VAPA: variants seen among roughly 807,000 people sequenced by gnomAD.
VAPA encodes VAMP associated protein A, also known as vesicle-associated membrane protein-associated protein A.
Under a neutral mutation model 25.6 loss-of-function variants are expected in VAPA, and 6 were observed. That is an observed-to-expected ratio of 0.23 (90% confidence interval 0.13 to 0.46). VAPA has a LOEUF of 0.46. Ranked by LOEUF, VAPA falls within the 20% of genes least tolerant of loss-of-function variation. VAPA has a pLI of 0.99. For missense variants in VAPA, 244 were observed against 302.1 expected, an observed-to-expected ratio of 0.81 and a Z score of 1.43; for synonymous variants, 112 against 106.2, an observed-to-expected ratio of 1.05 and a Z score of -0.34.
chr18:9,916,381 A>C (rs1360112053), intron 1 of VAPA, among the ~76,000 whole-genome samples: 1 of 152,184 alleles, frequency 6.6e-6, no homozygotes, highest in Non-Finnish European at 1.5e-5. Flanking sequence ...GTGTCTGAGG[A>C]AAGAAGCCCT....
chr18:9,943,840 C>CTTTTTTTTT, intron 4 of VAPA, among the ~76,000 whole-genome samples: 2 of 90,478 alleles, frequency 2.2e-5, no homozygotes, highest in Non-Finnish European at 4.9e-5. Context: ...GACATATTTC[C>CTTTTTTTTT]CTTTTTTTTT....
chr18:9,959,744 A>AAG lies in VAPA; in HGVS notation c.*5534_*5535insGA, dbSNP rs1480265235. The AAG allele has an allele frequency of 6.9e-5, 10 of 145,620 alleles. No individual in the cohort carries two copies. Among genetic ancestry groups the AAG allele is most frequent in the African/African-American group, 2.5e-4 (10 of 40,494 alleles). 9.0% of individuals were successfully genotyped at this position (145,620 alleles called of 1,614,324 possible). On this transcript the variant is annotated 3_prime_UTR_variant, in exon 6 of 6. Transcript: ENST00000400000. ...TCCAAAAAAAAAAAAAAAAAAAAAA[A>AAG]AAATGTGGAGGGTTGAAATGGTAAG... is the stretch of plus-strand genomic sequence containing the variant.
At chr18:9,938,268 A>G (rs560801037) in intron 4 of VAPA, among the ~76,000 whole-genome samples, 5 of 152,318 alleles carry the variant, frequency 3.3e-5, no homozygotes, top group East Asian at 1.9e-4. Context: ...GCGTAAATCT[A>G]TCTTCTATCT....
rs934699028 is a variant in VAPA at position 9,956,313 on chromosome 18, A to G, written c.*2102A>G. ...TTGAGAGATGGCTGAAATAATGAACATAAAATGCTATTTATAATAACAAGT... is the reference window on the plus strand; with the variant it reads ...TTGAGAGATGGCTGAAATAATGAACGTAAAATGCTATTTATAATAACAAGT... On this transcript the variant is annotated 3_prime_UTR_variant, in exon 6 of 6. Transcript: ENST00000400000. The G allele has an allele frequency of 6.6e-6, 1 of 152,244 alleles. No homozygotes were observed. Among genetic ancestry groups the G allele is most frequent in the East Asian group, 1.9e-4 (1 of 5,204 alleles). 9.4% of individuals were successfully genotyped at this position (152,244 alleles called of 1,614,324 possible). A position where few individuals can be genotyped will look rare whatever the true frequency, so the allele number is the denominator to read the frequency against.
rs879092819 is a variant in VAPA, at chr18:9,959,574, T to TA, written c.*5365dup. ...TAATGATTAAAGCAAGAGTTTTTTA[T>TA]AATTGACTTTGTGGTCTAAATTCTT... On this transcript the variant is annotated 3_prime_UTR_variant, in exon 6 of 6. Transcript: ENST00000400000. The TA allele has an allele frequency of 8.5e-5, 13 of 152,260 alleles. No homozygotes were observed. Among genetic ancestry groups the TA allele is most frequent in the Admixed American group, 3.3e-4 (5 of 15,290 alleles). The allele number at this position is 152,260 out of a possible 1,614,324, so 9.4% of individuals were successfully genotyped here.
At chr18:9,950,281 A>T in intron 4 of VAPA, 114 bp from the exon 5 acceptor site, 2 of 1,078,662 alleles carry the variant, frequency 1.9e-6, no homozygotes, top group Non-Finnish European at 2.7e-6. Context: ...GTACTGATTT[A>T]GGCCTTTTAA....
chr18:9,943,350 G>T (rs891583869), intron 4 of VAPA, among the ~76,000 whole-genome samples: 1 of 152,146 alleles, frequency 6.6e-6, no homozygotes, highest in African/African-American at 2.4e-5. Flanking sequence ...AGAACAAAAA[G>T]ACTCAATATT....
At chr18:9,942,407 T>C (rs2069374968) in intron 4 of VAPA, among the ~76,000 whole-genome samples, 2 of 152,316 alleles carry the variant, frequency 1.3e-5, no homozygotes, top group South Asian at 4.1e-4. Context: ...ATTGTAGAGA[T>C]AACAAGTCTT....
chr18:9,930,398 G>C (rs2069241835), intron 1 of VAPA, among the ~76,000 whole-genome samples: 1 of 152,088 alleles, frequency 6.6e-6, no homozygotes, highest in Non-Finnish European at 1.5e-5. Flanking sequence ...TTATGGGTTT[G>C]AGAATGTTAA....
chr18:9,943,840 CCTTTTTTTTTTTTTTTTT>C (rs2143399415), intron 4 of VAPA, among the ~76,000 whole-genome samples: 2 of 90,480 alleles, frequency 2.2e-5, no homozygotes, highest in East Asian at 5.9e-4. Flanking sequence ...GACATATTTC[CCTTTTTTTTTTTTTTTTT>C]TTTTTTTTTT....
rs1007171406 is a variant in VAPA, at chr18:9,955,727, C to G, written c.*1516C>G. Reference sequence around the variant, plus strand: ...CATTTCAACTGTGTTTTGAATTTGTCAGATCACACATATATTGTGTTATTG... The same window carrying G: ...CATTTCAACTGTGTTTTGAATTTGTGAGATCACACATATATTGTGTTATTG... On this transcript the variant is annotated 3_prime_UTR_variant, in exon 6 of 6. Transcript: ENST00000400000. The G allele has an allele frequency of 6.6e-6, 1 of 152,288 alleles. No homozygotes were observed. The highest frequency in any genetic ancestry group is 1.9e-4 in the East Asian group (1 of 5,186). 9.4% of individuals were successfully genotyped at this position (152,288 alleles called of 1,614,324 possible).
At chr18:9,944,860 A>G (rs766228787) in intron 4 of VAPA, 111 of 1,564,336 alleles carry the variant, frequency 7.1e-5, no homozygotes, top group Middle Eastern at 1.7e-4. Context: ...GTCATTCCCA[A>G]TATCATGCAG....
At chr18:9,915,869 A>G (rs2069108040) in intron 1 of VAPA, 1 of 152,228 alleles carries the variant, frequency 6.6e-6, no homozygotes, top group Non-Finnish European at 1.5e-5. Context: ...TTGCAAGTTT[A>G]TGTAAGTTGT....
chr18:9,925,250 T>C (rs1332485391), intron 1 of VAPA, among the ~76,000 whole-genome samples: 1 of 151,684 alleles, frequency 6.6e-6, no homozygotes, highest in Non-Finnish European at 1.5e-5. Context: ...AAACTGATTG[T>C]ATAATATGAT....
chr18:9,957,481 G>A lies in VAPA; in HGVS notation c.*3270G>A, dbSNP rs1455868335. On this transcript the variant is annotated 3_prime_UTR_variant, in exon 6 of 6. Coordinates refer to ENST00000400000, the MANE Select transcript of VAPA (RefSeq NM_194434.3). ...TAGTTTTTGAGGGTATTCCCAACTT[G>A]TGATCTTCTACCACTTTAGAGACAT... The A allele has an allele frequency of 6.6e-6, 1 of 152,122 alleles. No homozygotes were observed. The highest frequency in any genetic ancestry group is 1.5e-5 in the Non-Finnish European group (1 of 68,026). 9.4% of individuals were successfully genotyped at this position (152,122 alleles called of 1,614,324 possible).
At chr18:9,936,688 C>A in intron 3 of VAPA, 1 of 288,276 alleles carries the variant, frequency 3.5e-6, no homozygotes, top group Non-Finnish European at 6.4e-6. Flanking sequence ...GGCGACTGCA[C>A]TCCAGCCTGG....
chr18:9,942,421 CT>C (rs2069375180), intron 4 of VAPA, among the ~76,000 whole-genome samples: 1 of 151,976 alleles, frequency 6.6e-6, no homozygotes, highest in Admixed American at 6.5e-5. Flanking sequence ...AAGTCTTGAA[CT>C]TTATGATTTT....
At chr18:9,928,878 T>G (rs1196285763) in intron 1 of VAPA, among the ~76,000 whole-genome samples, 1 of 152,170 alleles carries the variant, frequency 6.6e-6, no homozygotes, top group African/African-American at 2.4e-5. Context: ...AGTTTGGATT[T>G]AAGAGAAATA....
intron 2 of VAPA, among the ~76,000 whole-genome samples, chr18:9,932,762 C>CAGTGCTGTAATA (rs2069268835): frequency 6.6e-6 from 1 of 152,186 alleles, no homozygotes; most frequent in Non-Finnish European, 1.5e-5. Flanking sequence ...GGAGCAGGAA[C>CAGTGCTGTAATA]ACACATGGAT....
Sources: allele counts gnomAD v4.1 joint callset (sites outside exome capture counted in the v4.1 genomes callset), GRCh38; gene constraint gnomAD v4.1.1; transcripts MANE v1.5; gene names NCBI Gene and HGNC (gene_info 2026-07-23, HGNC 2026-07-21).